The following UBE2U variants were observed in gnomAD, a reference collection of about 807,000 sequenced individuals.
UBE2U encodes the protein ubiquitin-conjugating enzyme E2 U.
UBE2U carries 39 observed loss-of-function variants against 41.2 expected under a neutral mutation model. The observed-to-expected ratio is 0.95, with a 90% confidence interval of 0.73 to 1.24. The LOEUF (loss-of-function observed/expected upper bound fraction) is 1.24, where lower values mean the gene tolerates loss of function less well. UBE2U is among the 50% of genes most tolerant of loss of function. The pLI is 0.00. For synonymous variants in UBE2U, 107 were observed against 117.8 expected (o/e 0.91, Z 0.60); for missense variants, 336 against 363.1 (o/e 0.93, Z 0.61).
chr1:64,205,523 T>C, intron 1 of UBE2U, 116 bp from the exon 2 acceptor site: 4 of 807,544 alleles, frequency 5.0e-6, no homozygotes, highest in South Asian at 1.8e-5. Context: ...AATAAACTTA[T>C]CAAGGAAAGA....
chr1:64,266,322 C>T (rs899853298), intron 9 of UBE2U, among the ~76,000 whole-genome samples: 1 of 152,150 alleles, frequency 6.6e-6, no homozygotes, highest in Admixed American at 6.5e-5. Flanking sequence ...TCCAGCTCCA[C>T]GAAACTTTCT....
At chr1:64,238,410 A>G (rs966710046) in intron 7 of UBE2U, among the ~76,000 whole-genome samples, 1 of 151,676 alleles carries the variant, frequency 6.6e-6, no homozygotes, top group Non-Finnish European at 1.5e-5. Context: ...TTAAAAAAAA[A>G]AAAAAGAAAA....
At chr1:64,205,951 T>G (rs1387418426) in intron 2 of UBE2U, among the ~76,000 whole-genome samples, 1 of 152,214 alleles carries the variant, frequency 6.6e-6, no homozygotes, top group Non-Finnish European at 1.5e-5. Context: ...GGTATTTTTC[T>G]TTATGCCAAA....
intron 8 of UBE2U, among the ~76,000 whole-genome samples, chr1:64,255,424 G>A (rs1645074749): frequency 6.6e-6 from 1 of 152,144 alleles, no homozygotes; most frequent in African/African-American, 2.4e-5. Context: ...ATTTTATGAA[G>A]TCAGCATCAT....
chr1:64,207,309 C>A (rs573067468), intron 3 of UBE2U, among the ~76,000 whole-genome samples: 17 of 152,308 alleles, frequency 1.1e-4, no homozygotes, highest in African/African-American at 3.6e-4. Context: ...CGCCACCACA[C>A]CTGGCTAGTT....
chr1:64,205,498 C>T, intron 1 of UBE2U, 141 bp from the exon 2 acceptor site: 2 of 661,796 alleles, frequency 3.0e-6, no homozygotes, highest in Non-Finnish European at 5.2e-6. Flanking sequence ...TAACACTTCC[C>T]CAGAGCAGCA....
chr1:64,220,091 A>T (rs936438000), intron 5 of UBE2U, among the ~76,000 whole-genome samples: 2 of 152,170 alleles, frequency 1.3e-5, no homozygotes, highest in Non-Finnish European at 2.9e-5. Flanking sequence ...TATGATGGAC[A>T]TATGATGAAT....
At chr1:64,260,857 A>G (rs1443491610) in intron 9 of UBE2U, among the ~76,000 whole-genome samples, 163 bp downstream of exon 9, 1 of 152,158 alleles carries the variant, frequency 6.6e-6, no homozygotes, top group Non-Finnish European at 1.5e-5. Flanking sequence ...TTTCCAAATT[A>G]ATTTGGTAAA....
intron 9 of UBE2U, 140 bp downstream of exon 9, chr1:64,260,834 A>G: frequency 1.7e-6 from 1 of 591,528 alleles, no homozygotes; most frequent in Non-Finnish European, 2.7e-6. Flanking sequence ...AGGTTGCTTT[A>G]ACTTTTTCTG....
chr1:64,239,157 A>AGAAGGAGAAGAAGAAGAAGAAGAAGAAG (rs756975010), intron 7 of UBE2U, among the ~76,000 whole-genome samples: 1 of 37,064 alleles, frequency 2.7e-5, no homozygotes, highest in African/African-American at 8.5e-5. Context: ...GAAGAAGAAG[A>AGAAGGAGAAGAAGAAGAAGAAGAAGAAG]AAGAAGAAGA....
At chr1:64,241,778 G>C (rs1229531706) in intron 8 of UBE2U, 45 bp downstream of exon 8, 1 of 1,446,290 alleles carries the variant, frequency 6.9e-7, no homozygotes, top group Non-Finnish European at 9.5e-7. Context: ...AACTTGAATT[G>C]TCTATTATTC....
At chr1:64,239,532 C>G (rs770735813) in intron 7 of UBE2U, among the ~76,000 whole-genome samples, 2 of 119,378 alleles carry the variant, frequency 1.7e-5, no homozygotes, top group Non-Finnish European at 3.3e-5. Context: ...CCCCACCCCA[C>G]GACAGGCCTT....
chr1:64,261,097 C>T (rs924760412), intron 9 of UBE2U, among the ~76,000 whole-genome samples: 2 of 152,080 alleles, frequency 1.3e-5, no homozygotes, highest in Admixed American at 6.6e-5. Context: ...AGTTGTTTTT[C>T]GTGCTCTTTT....
At chr1:64,258,804 T>A (rs967479103) in intron 8 of UBE2U, among the ~76,000 whole-genome samples, 1 of 152,116 alleles carries the variant, frequency 6.6e-6, no homozygotes, top group Non-Finnish European at 1.5e-5. Context: ...GTCTTTATAG[T>A]AGCATGATTT....
intron 7 of UBE2U, among the ~76,000 whole-genome samples, chr1:64,235,824 A>G (rs1360610358): frequency 1.3e-5 from 2 of 152,110 alleles, no homozygotes; most frequent in Non-Finnish European, 2.9e-5. Context: ...AGCCATCTCA[A>G]TCTATCATTC....
At chr1:64,248,895 T>C (rs1359577610) in intron 8 of UBE2U, among the ~76,000 whole-genome samples, 2 of 152,108 alleles carry the variant, frequency 1.3e-5, no homozygotes, top group African/African-American at 2.4e-5. Flanking sequence ...GACACTATAA[T>C]TTAACAGACA....
At chr1:64,260,560 C>T in intron 8 of UBE2U, 43 bp from the exon 9 acceptor site, 1 of 1,473,500 alleles carries the variant, frequency 6.8e-7, no homozygotes, top group South Asian at 1.2e-5. Context: ...TATACCCTTA[C>T]CAAAATTCAT....
At chr1:64,230,800 T>C (rs1361666104) in intron 6 of UBE2U, among the ~76,000 whole-genome samples, 3 of 152,220 alleles carry the variant, frequency 2.0e-5, no homozygotes, top group Non-Finnish European at 4.4e-5. Flanking sequence ...AGTCCAGGTA[T>C]ATATCTTATT....
chr1:64,210,984 C>A, intron 4 of UBE2U, 145 bp downstream of exon 4: 1 of 511,660 alleles, frequency 2.0e-6, no homozygotes, highest in Non-Finnish European at 3.2e-6. Context: ...TATATGAAGG[C>A]TACAAAGTGG....
Sources: gnomAD v4.1 joint callset for allele counts (sites outside exome capture counted in the v4.1 genomes callset) on GRCh38, gnomAD v4.1.1 for gene constraint, MANE v1.5 for transcripts, NCBI Gene and HGNC (gene_info 2026-07-23, HGNC 2026-07-21) for gene names.